TRPM1: variants seen among roughly 807,000 people sequenced by gnomAD.
TRPM1 encodes transient receptor potential cation channel subfamily M member 1.
A neutral mutation model predicts 149.4 loss-of-function variants in TRPM1; 113 were observed. The observed-to-expected ratio is 0.76, with a 90% CI of 0.65 to 0.88. The LOEUF (loss-of-function observed/expected upper bound fraction) is 0.88, where lower values mean the gene tolerates loss of function less well. Ranked by LOEUF, TRPM1 falls within the 40% of genes least tolerant of loss-of-function variation. The probability of loss-of-function intolerance (pLI) is 0.00; values close to 1 mark genes in which losing one functional copy is unlikely to be tolerated. For synonymous variants in TRPM1, 741 were observed against 759.5 expected (o/e 0.98, Z 0.40); for missense variants, 1,976 against 2,038.7 (o/e 0.97, Z 0.59).
intron 1 of TRPM1, among the ~76,000 whole-genome samples, chr15:31,088,914 C>G (rs375155306): frequency 4.6e-4 from 70 of 152,200 alleles, no homozygotes; most frequent in African/African-American, 1.5e-3. Flanking sequence ...TACCAGAAGT[C>G]TGGTGGCAGA....
upstream of TRPM1, among the ~76,000 whole-genome samples, chr15:31,105,308 C>T (rs959155488): frequency 6.6e-6 from 1 of 152,286 alleles, no homozygotes; most frequent in South Asian, 2.1e-4. Flanking sequence ...CAGATCTAGG[C>T]TCAGGCACTT....
At chr15:31,015,997 G>C (rs2032343862) in intron 27 of TRPM1, among the ~76,000 whole-genome samples, 1 of 152,090 alleles carries the variant, frequency 6.6e-6, no homozygotes, top group Non-Finnish European at 1.5e-5. Flanking sequence ...CAAGGCATTT[G>C]ATGACCCCAG....
chr15:31,033,828 C>T (rs183948771), intron 21 of TRPM1, among the ~76,000 whole-genome samples: 110 of 152,192 alleles, frequency 7.2e-4, no homozygotes, highest in African/African-American at 2.4e-3. Flanking sequence ...TAAAGCAGGC[C>T]GCTCAGGAAA....
At chr15:31,077,514 C>T (rs2034734881) in intron 2 of TRPM1, among the ~76,000 whole-genome samples, 1 of 152,084 alleles carries the variant, frequency 6.6e-6, no homozygotes, top group African/African-American at 2.4e-5. Flanking sequence ...TCTGAAGGGC[C>T]CCATTGGGTC....
intron 13 of TRPM1, among the ~76,000 whole-genome samples, chr15:31,049,025 G>C (rs2033860551): frequency 6.6e-6 from 1 of 152,160 alleles, no homozygotes; most frequent in Admixed American, 6.5e-5. Flanking sequence ...TCAAATGTGA[G>C]GGTCCCAAGG....
chr15:31,028,308 G>A, intron 25 of TRPM1, 24 bp downstream of exon 25: 1 of 1,614,018 alleles, frequency 6.2e-7, no homozygotes, highest in East Asian at 2.2e-5. Context: ...TAATAAGCAT[G>A]TGGTCATCGG....
At chr15:31,123,137 A>G (rs569934288) in intron 1 of TRPM1, among the ~76,000 whole-genome samples, 6 of 152,374 alleles carry the variant, frequency 3.9e-5, no homozygotes, top group Admixed American at 2.6e-4. Context: ...TGAGATCCAC[A>G]TGGAAATAAA....
At position 31,092,889 on chromosome 15, in the gene TRPM1, T is replaced by A. The variant is rs1596064947; in HGVS notation, c.-84+8768A>T. On this transcript the variant is annotated intron_variant, in intron 1 of 27. Coordinates refer to ENST00000256552, the MANE Select transcript of TRPM1 (RefSeq NM_001252024.2). The stretch of plus-strand genomic sequence containing the variant: ...TGAGTCATCAAAGATACACACAGTG[T>A]GATTCCATTTGTATAAAGTTCAAAA... Among the ~76,000 whole-genome samples the A allele has an allele frequency of 2.6e-5, 4 of 152,302 alleles. No homozygotes were observed. In the South Asian group the frequency reaches 8.3e-4, roughly 32 times the overall value.
At chr15:31,142,706 CA>C (rs1404960694) in intron 1 of TRPM1, among the ~76,000 whole-genome samples, 1 of 152,104 alleles carries the variant, frequency 6.6e-6, no homozygotes, top group East Asian at 1.9e-4. Context: ...AAATCAAATT[CA>C]AAATTAATTT....
rs577513291 is a variant in TRPM1 at position 31,040,631 on chromosome 15, C to A, written c.2088-285G>T. 2.6e-5 allele frequency among the ~76,000 whole-genome samples: 4 copies of A among 152,272 alleles called. No homozygotes were observed. In the South Asian group the frequency reaches 8.3e-4, roughly 32 times the overall value. On this transcript the variant is annotated intron_variant, in intron 17 of 27. Transcript: ENST00000256552. This position sits in a 1 kb window ranked among gnomAD's most constrained non-coding sequence, Gnocchi z 4.2. ...CCCTCAGACCCCAGGGACATAGAGA[C>A]GAGAAGACAAAGTCCCTTCCCTCAA...
chr15:31,096,111 AAAG>A (rs1193977602), intron 1 of TRPM1, among the ~76,000 whole-genome samples: 68 of 151,798 alleles, frequency 4.5e-4, no homozygotes, highest in African/African-American at 1.5e-3. Context: ...AAGGAAAGAA[AAAG>A]AAGAAACGAA....
chr15:31,054,979 CT>C (rs1243811586), intron 11 of TRPM1, among the ~76,000 whole-genome samples: 1 of 152,276 alleles, frequency 6.6e-6, no homozygotes, highest in East Asian at 1.9e-4. Context: ...TCTCATGCAG[CT>C]TTTATTTTTT....
intron 1 of TRPM1, among the ~76,000 whole-genome samples, chr15:31,139,623 G>C (rs1470479567): frequency 3.3e-5 from 5 of 152,158 alleles, no homozygotes; most frequent in African/African-American, 7.2e-5. Flanking sequence ...CGTGTGACTT[G>C]GGTAAATCTT....
At position 31,012,698 on chromosome 15, in the gene TRPM1, GT is replaced by G. The variant is rs748837958; in HGVS notation, c.3630-9629del. Among the ~76,000 whole-genome samples the G allele has an allele frequency of 3.9e-5, 6 of 152,102 alleles. No individual in the cohort carries two copies. In the East Asian group the frequency reaches 7.7e-4, roughly 20 times the overall value. ...TTTGGCCATTATTTCTTTAAATATT[GT>G]TTCTGCCAGTTTCCCTTCTCTCTTT... On this transcript the variant is annotated intron_variant, in intron 27 of 27. Coordinates refer to ENST00000256552, the MANE Select transcript of TRPM1 (RefSeq NM_001252024.2).
intron 26 of TRPM1, among the ~76,000 whole-genome samples, chr15:31,026,574 C>A (rs1156630230): frequency 6.6e-6 from 1 of 152,090 alleles, no homozygotes; most frequent in Admixed American, 6.5e-5. Context: ...TAGAGTCAAA[C>A]GTATAGCATT....
rs1157161511 is a variant in TRPM1, at chr15:31,029,408, A to G, written c.3128-17T>C. The G allele has an allele frequency of 6.2e-7, 1 of 1,613,648 alleles. No individual in the cohort carries two copies. Among genetic ancestry groups the G allele is most frequent in the South Asian group, 1.1e-5 (1 of 91,068 alleles). The stretch of plus-strand genomic sequence containing the variant: ...TGGCGTAGACTACATGACGATTGGA[A>G]AGCAGGATTTTTGTTTTGTTTTGTT... On this transcript the variant is annotated splice_polypyrimidine_tract_variant and intron_variant, in intron 23 of 27. Coordinates refer to ENST00000256552, the MANE Select transcript of TRPM1 (RefSeq NM_001252024.2).
chr15:31,113,240 G>GA (rs1233013551), intron 1 of TRPM1, among the ~76,000 whole-genome samples: 28 of 152,274 alleles, frequency 1.8e-4, no homozygotes, highest in African/African-American at 6.7e-4. Context: ...AAATCAACAA[G>GA]AAAGGGAGGG....
chr15:31,113,621 C>T (rs1207288988), intron 1 of TRPM1, among the ~76,000 whole-genome samples: 3 of 152,172 alleles, frequency 2.0e-5, no homozygotes, highest in South Asian at 2.1e-4. Flanking sequence ...TGTGTCATAG[C>T]ACTTTACTGT....
intron 1 of TRPM1, among the ~76,000 whole-genome samples, chr15:31,088,814 T>G (rs547760058): frequency 6.8e-6 from 1 of 146,654 alleles, no homozygotes; most frequent in Non-Finnish European, 1.5e-5. Flanking sequence ...GGGGGATGCG[T>G]CAGAGGAGGC....
Sources: allele counts gnomAD v4.1 joint callset (sites outside exome capture counted in the v4.1 genomes callset), GRCh38; gene constraint gnomAD v4.1.1; non-coding constraint Gnocchi (gnomAD v3.1); transcripts MANE v1.5; gene names NCBI Gene and HGNC (gene_info 2026-07-23, HGNC 2026-07-21).